Variants in STAT5B observed in about 807,000 individuals in gnomAD.
The protein encoded by STAT5B is transcription factor STAT5B.
In STAT5B, 21 loss-of-function variants were observed where a neutral mutation model predicts 107.8. The ratio of observed to expected loss-of-function variants is 0.19; its 90% confidence interval spans 0.14 to 0.28. STAT5B has a LOEUF of 0.28. Among genes scored for constraint, STAT5B ranks in the 10% least tolerant of loss-of-function variants. STAT5B has a pLI of 1.00. For synonymous variants in STAT5B, 325 were observed against 401.7 expected (o/e 0.81, Z 2.28); for missense variants, 565 against 1,008.2 (o/e 0.56, Z 5.95).
chr17:42,241,603 T>C (rs939823779), intron 1 of STAT5B, among the ~76,000 whole-genome samples: 2 of 151,980 alleles, frequency 1.3e-5, no homozygotes, highest in African/African-American at 2.4e-5. Flanking sequence ...CCACTGTGTC[T>C]GGCTAATTTT....
At chr17:42,280,599 G>C (rs1237504865), upstream of STAT5B, among the ~76,000 whole-genome samples, 1 of 152,136 alleles carries the variant, frequency 6.6e-6, no homozygotes, top group Admixed American at 6.5e-5. Context: ...TTTCCCTGTG[G>C]GGATGAATCC....
At chr17:42,278,934 A>G (rs2144458436), upstream of STAT5B, among the ~76,000 whole-genome samples, 2 of 152,028 alleles carry the variant, frequency 1.3e-5, no homozygotes, top group South Asian at 4.2e-4. Context: ...AGCCGAGATC[A>G]CGAAACTGCA....
intron 2 of STAT5B, 144 bp from the exon 3 acceptor site, chr17:42,227,829 T>C (rs944954416): frequency 3.4e-5 from 26 of 758,814 alleles, no homozygotes; most frequent in Middle Eastern, 3.7e-4. Flanking sequence ...CCAACAGAAA[T>C]GGACTCAATG....
At chr17:42,268,782 C>T (rs1201705825) in intron 1 of STAT5B, 2 of 151,722 alleles carry the variant, frequency 1.3e-5, no homozygotes, top group African/African-American at 2.4e-5. Flanking sequence ...TTTTCCTAAA[C>T]CTAAAAGATG....
rs2080321984 is a variant in STAT5B at position 42,232,081 on chromosome 17, T to C, written c.47A>G (p.His16Arg). The change falls in exon 2 of 19, where the codon CAT becomes CGT. Residue 16 changes from histidine to arginine, a missense_variant. By Grantham distance (29) the His-to-Arg change is conservative. Transcript: ENST00000293328. The part of the protein sequence containing the change: ...QAQQLQGEAL[H>R]QMQALYGQHF... ...CTGGCCATATAACGCTTGCATCTGA[T>C]GAAGGGCTTCTCCTTGGAGCTGCTG... 3.1e-6 allele frequency: 5 copies of C among 1,613,952 alleles called. No individual in the cohort carries two copies. The highest frequency in any genetic ancestry group is 2.2e-5 in the East Asian group (1 of 44,884).
At chr17:42,264,795 A>G (rs1320477591) in intron 1 of STAT5B, among the ~76,000 whole-genome samples, 1 of 133,042 alleles carries the variant, frequency 7.5e-6, no homozygotes, top group Admixed American at 7.9e-5. Context: ...TGACTTCCAC[A>G]ATGGTTGAAC....
chr17:42,214,883 C>G (rs1212184708), intron 12 of STAT5B, among the ~76,000 whole-genome samples: 1 of 152,138 alleles, frequency 6.6e-6, no homozygotes, highest in Non-Finnish European at 1.5e-5. Context: ...CCCCAAGTAG[C>G]TGGGACTAGA....
intron 1 of STAT5B, among the ~76,000 whole-genome samples, chr17:42,251,483 C>T (rs1157335218): frequency 6.6e-6 from 1 of 152,098 alleles, no homozygotes; most frequent in Non-Finnish European, 1.5e-5. Flanking sequence ...AAACATTTTA[C>T]ATACAGGGGG....
the STAT5B span, among the ~76,000 whole-genome samples, chr17:42,285,602 G>A: frequency 6.6e-6 from 1 of 152,150 alleles, no homozygotes. Context: ...AAAATCACCA[G>A]GGCACTTTGT....
At chr17:42,257,381 G>T (rs1014222264) in intron 1 of STAT5B, among the ~76,000 whole-genome samples, 8 of 65,334 alleles carry the variant, frequency 1.2e-4, no homozygotes, top group Non-Finnish European at 2.9e-5. Flanking sequence ...ACATCAAACA[G>T]GGGGATTACT....
chr17:42,281,038 C>G (rs1598349095), upstream of STAT5B, among the ~76,000 whole-genome samples: 1 of 151,642 alleles, frequency 6.6e-6, no homozygotes, highest in African/African-American at 2.4e-5. Flanking sequence ...GGAGGCTGAG[C>G]CAGGAGAATG....
rs61401221 is a variant in STAT5B, at chr17:42,248,273, CAAAAAAAAAAAA to C, written c.-10-16148_-10-16137del. ...CTGGGTGACATTGTAAGATCTTGTC[CAAAAAAAAAAAA>C]AAAAAAAAAAATCTTATTCTAATTC... On this transcript the variant is annotated intron_variant, in intron 1 of 18. Coordinates refer to ENST00000293328, the MANE Select transcript of STAT5B (RefSeq NM_012448.4). 4.3e-5 allele frequency among the ~76,000 whole-genome samples: 3 copies of C among 69,198 alleles called. No individual in the cohort carries two copies. The East Asian group carries it at 1.3e-3, about 29-fold the overall frequency. 45.4% of individuals were successfully genotyped at this position (69,198 alleles called of 152,430 possible).
At chr17:42,244,254 A>AT (rs556581450) in intron 1 of STAT5B, among the ~76,000 whole-genome samples, 3,622 of 132,046 alleles carry the variant, frequency 0.027, 112 homozygotes, top group African/African-American at 0.074. Context: ...TGCCCGGCTA[A>AT]TTTTTTTTTT....
At chr17:42,210,367 G>C in intron 14 of STAT5B, 36 bp downstream of exon 14, 1 of 1,614,162 alleles carries the variant, frequency 6.2e-7, no homozygotes. Flanking sequence ...AAGACCTTCA[G>C]ACTCTGTCGG....
chr17:42,263,016 A>ATATATAT (rs1567677432), intron 1 of STAT5B, among the ~76,000 whole-genome samples: 28 of 22,856 alleles, frequency 1.2e-3, no homozygotes, highest in African/African-American at 2.0e-3. Flanking sequence ...ATATATATAT[A>ATATATAT]AAAAAACAAA....
At chr17:42,213,931 C>T (rs2080150549) in intron 12 of STAT5B, among the ~76,000 whole-genome samples, 2 of 150,662 alleles carry the variant, frequency 1.3e-5, no homozygotes, top group Admixed American at 6.6e-5. Flanking sequence ...CACTTGAGGT[C>T]AAGAATTCGA....
intron 12 of STAT5B, among the ~76,000 whole-genome samples, chr17:42,214,775 G>A (rs1485418746): frequency 6.6e-6 from 1 of 152,058 alleles, no homozygotes; most frequent in Non-Finnish European, 1.5e-5. Flanking sequence ...TTTGAGACAG[G>A]GTGTCGCTTT....
At chr17:42,241,944 A>G (rs1305103594) in intron 1 of STAT5B, among the ~76,000 whole-genome samples, 1 of 152,172 alleles carries the variant, frequency 6.6e-6, no homozygotes, top group Admixed American at 6.6e-5. Context: ...TCTCTTTTTA[A>G]AAAATCACAT....
intron 1 of STAT5B, among the ~76,000 whole-genome samples, chr17:42,242,147 G>A (rs1280132881): frequency 5.1e-4 from 78 of 152,148 alleles, no homozygotes; most frequent in Non-Finnish European, 1.5e-5. Context: ...GGGGAAAAGG[G>A]TAAGGGAGGG....
Sources: gnomAD v4.1 joint callset for allele counts (sites outside exome capture counted in the v4.1 genomes callset) on GRCh38, gnomAD v4.1.1 for gene constraint, MANE v1.5 for transcripts, NCBI Gene and HGNC (gene_info 2026-07-23, HGNC 2026-07-21) for gene names.